Variants in NTM observed in about 807,000 individuals in gnomAD.
NTM encodes IgLON family member 2.
Under a neutral mutation model 42.1 loss-of-function variants are expected in NTM, and 13 were observed. That is an observed-to-expected ratio of 0.31 (90% CI 0.20 to 0.49). The LOEUF (loss-of-function observed/expected upper bound fraction) is 0.49. NTM is among the 20% of genes least tolerant of loss of function. The pLI is 0.99. For missense variants in NTM, 373 were observed against 452.8 expected (o/e 0.82, Z 1.60); for synonymous variants, 187 against 179.2 (o/e 1.04, Z -0.35).
chr11:131,982,640 A>G lies in NTM; in HGVS notation c.167+70992A>G, dbSNP rs114789275. ...TAAAATGAAAGGGGGGGCAGGGTGG[A>G]ATAAAGGGAAAAATTATTGTAATTC... On this transcript the variant is annotated intron_variant, in intron 2 of 8. Transcript: ENST00000683400. Among the ~76,000 whole-genome samples the G allele has an allele frequency of 3.0e-3, 453 of 152,254 alleles. 5 individuals are homozygous for G. The highest frequency in any genetic ancestry group is 0.01 in the African/African-American group (432 of 41,536).
intron 1 of NTM, among the ~76,000 whole-genome samples, chr11:131,828,838 T>G (rs2042453126): frequency 6.6e-6 from 1 of 152,196 alleles, no homozygotes; most frequent in South Asian, 2.1e-4. Flanking sequence ...CTTTAAAAAT[T>G]GAAACTCTTT....
rs145439530 is a variant in NTM at position 131,446,344 on chromosome 11, C to T, written c.82+75456C>T. 6.9e-3 allele frequency among the ~76,000 whole-genome samples: 1,052 copies of T among 152,226 alleles called. 3 individuals carry two copies. Among genetic ancestry groups the T allele is most frequent in the South Asian group, 0.011 (55 of 4,818 alleles). The stretch of plus-strand genomic sequence containing the variant: ...AATTCACCAGCCTGCAGATGGAAAC[C>T]GCCTGTGCATTGTCTCCTTTCACCC... On this transcript the variant is annotated intron_variant, in intron 1 of 8. Transcript: ENST00000683400.
chr11:132,188,120 G>A (rs2078722569), intron 3 of NTM, among the ~76,000 whole-genome samples: 1 of 152,140 alleles, frequency 6.6e-6, no homozygotes. Context: ...GTGTGTTTGT[G>A]TGTCAGGGAA....
In NTM at chr11:132,003,598, G is replaced by A. The variant is rs1472887880; in HGVS notation, c.167+91950G>A. 6.6e-6 allele frequency among the ~76,000 whole-genome samples: 1 copy of A among 152,058 alleles called. No individual in the cohort carries two copies. The highest frequency in any genetic ancestry group is 2.4e-5 in the African/African-American group (1 of 41,422). On this transcript the variant is annotated intron_variant, in intron 2 of 8. Coordinates refer to ENST00000683400, the MANE Select transcript of NTM (RefSeq NM_001352005.2). This position sits in a 1 kb window ranked among gnomAD's most constrained non-coding sequence, Gnocchi z 6.0. ...GGGTAAAACTGATCCTTGTGGTCTG[G>A]GGACCACACTTTGAGAATGTGCTTT...
At chr11:132,033,918 C>A (rs374040138) in intron 2 of NTM, among the ~76,000 whole-genome samples, 3 of 152,170 alleles carry the variant, frequency 2.0e-5, no homozygotes, top group Non-Finnish European at 4.4e-5. Context: ...TAGGTTTTGA[C>A]AAACTGGTCA....
At chr11:132,222,472 A>C (rs1011979929) in intron 4 of NTM, among the ~76,000 whole-genome samples, 4 of 152,212 alleles carry the variant, frequency 2.6e-5, no homozygotes, top group African/African-American at 7.2e-5. Context: ...GAGTCTGTTC[A>C]GTTTCCCCAC....
intron 2 of NTM, among the ~76,000 whole-genome samples, chr11:132,021,897 C>T (rs1319339858): frequency 6.6e-6 from 1 of 152,200 alleles, no homozygotes; most frequent in African/African-American, 2.4e-5. Flanking sequence ...TTTCCAGCTT[C>T]AGTGTCAACT....
chr11:132,318,946 T>A (rs1189015410), intron 7 of NTM, among the ~76,000 whole-genome samples: 4 of 152,082 alleles, frequency 2.6e-5, no homozygotes, highest in Admixed American at 2.6e-4. Context: ...GAGGGCTGCA[T>A]TACTCACTTT....
chr11:131,816,547 G>GA lies in NTM; in HGVS notation c.83-95004dup, dbSNP rs34057469. ...ACAAGTTCATTGAATATTAAAGCAAGAAAAAAAAAAAAAGGAATTTAAAGA... is the reference window on the plus strand; with the variant it reads ...ACAAGTTCATTGAATATTAAAGCAAGAAAAAAAAAAAAAAGGAATTTAAAGA... On this transcript the variant is annotated intron_variant, in intron 1 of 8. Coordinates refer to ENST00000683400, the MANE Select transcript of NTM (RefSeq NM_001352005.2). Among the ~76,000 whole-genome samples, 779 of 139,992 alleles carry GA rather than the reference G, an allele frequency of 5.6e-3. 5 individuals carry two copies. The highest frequency in any genetic ancestry group is 0.021 in the South Asian group (95 of 4,448). 91.8% of individuals were successfully genotyped at this position (139,992 alleles called of 152,430 possible).
chr11:132,161,982 A>G (rs934049720), intron 3 of NTM, among the ~76,000 whole-genome samples: 2 of 151,928 alleles, frequency 1.3e-5, no homozygotes, highest in African/African-American at 4.8e-5. Flanking sequence ...CCCACATCCA[A>G]CCCCGGTTGA....
At chr11:132,278,470 C>G (rs1308155715) in intron 4 of NTM, among the ~76,000 whole-genome samples, 1 of 152,164 alleles carries the variant, frequency 6.6e-6, no homozygotes, top group East Asian at 1.9e-4. Flanking sequence ...AGTCTTTGTG[C>G]ATAGCCTTGC....
At position 131,413,895 on chromosome 11, in the gene NTM, G is replaced by A. The variant is rs569135462; in HGVS notation, c.82+43007G>A. 7.9e-5 allele frequency among the ~76,000 whole-genome samples: 12 copies of A among 152,194 alleles called. No homozygotes were observed. In the South Asian group the frequency reaches 2.1e-3, roughly 26 times the overall value. On this transcript the variant is annotated intron_variant, in intron 1 of 8. Coordinates refer to ENST00000683400, the MANE Select transcript of NTM (RefSeq NM_001352005.2). ...AGGGCAGGGGAGACGAGGAGGGCAG[G>A]GGAGACCATGAGGACAAGGCCTCCT...
chr11:131,766,410 C>T (rs890792317), intron 1 of NTM, among the ~76,000 whole-genome samples: 2 of 152,056 alleles, frequency 1.3e-5, no homozygotes, highest in East Asian at 1.9e-4. Flanking sequence ...GAGGGCGATG[C>T]GACAGAATGG....
intron 2 of NTM, among the ~76,000 whole-genome samples, chr11:132,136,075 G>A (rs952816858): frequency 1.3e-5 from 2 of 152,146 alleles, no homozygotes; most frequent in East Asian, 1.9e-4. Context: ...CTTCCTCTCA[G>A]CCTCCTCACA....
chr11:132,077,039 T>G (rs375790951), intron 2 of NTM, among the ~76,000 whole-genome samples: 24 of 152,328 alleles, frequency 1.6e-4, no homozygotes, highest in African/African-American at 5.0e-4. Context: ...AACTGCTTTC[T>G]TCACATTAAG....
intron 1 of NTM, among the ~76,000 whole-genome samples, chr11:131,835,931 T>C (rs1005041131): frequency 3.3e-5 from 5 of 152,146 alleles, no homozygotes; most frequent in Non-Finnish European, 5.9e-5. Context: ...AAATACAATG[T>C]TGAGCAAAAG....
intron 2 of NTM, among the ~76,000 whole-genome samples, chr11:132,096,234 C>G (rs1288836797): frequency 6.6e-6 from 1 of 152,182 alleles, no homozygotes; most frequent in African/African-American, 2.4e-5. Context: ...AGGAGCAACT[C>G]AGTTTCACAT....
At chr11:131,659,826 C>T (rs921309475) in intron 1 of NTM, among the ~76,000 whole-genome samples, 15 of 152,150 alleles carry the variant, frequency 9.9e-5, no homozygotes, top group Non-Finnish European at 2.1e-4. Flanking sequence ...GGGCTTAGCT[C>T]TGAGCTGTCC....
intron 1 of NTM, among the ~76,000 whole-genome samples, chr11:131,687,483 G>A (rs1334767328): frequency 1.3e-5 from 2 of 152,150 alleles, no homozygotes; most frequent in African/African-American, 4.8e-5. Flanking sequence ...GACCATCACC[G>A]GCCTGGCCCC....
Sources: allele counts gnomAD v4.1 joint callset (sites outside exome capture counted in the v4.1 genomes callset), GRCh38; gene constraint gnomAD v4.1.1; non-coding constraint Gnocchi (gnomAD v3.1); transcripts MANE v1.5; gene names NCBI Gene and HGNC (gene_info 2026-07-23, HGNC 2026-07-21).